The following PCDHGA6 variants were observed in gnomAD, a reference collection of about 807,000 sequenced individuals.
PCDHGA6 encodes the protein protocadherin gamma-A6.
A neutral mutation model predicts 60.6 loss-of-function variants in PCDHGA6; 41 were observed. The observed-to-expected ratio is 0.68, with a 90% CI of 0.53 to 0.88. The LOEUF is 0.88. Among genes scored for constraint, PCDHGA6 ranks in the 40% least tolerant of loss-of-function variants. PCDHGA6 has a pLI of 0.00. For synonymous variants in PCDHGA6, 594 were observed against 524.4 expected (o/e 1.13, Z -1.81); for missense variants, 1,312 against 1,203.0 (o/e 1.09, Z -1.34).
Position 141,489,606 on chromosome 5 carries a change from G to A in PCDHGA6, c.2425-5201G>A. The stretch of plus-strand genomic sequence containing the variant: ...TGGAGCTAATCCGTGTAGAGGTAGA[G>A]ATCCTGGATCTCAATGACAACTCTC... On this transcript the variant is annotated intron_variant, in intron 1 of 3. Coordinates refer to ENST00000517434, the MANE Select transcript of PCDHGA6 (RefSeq NM_018919.3). This position sits in a 1 kb window ranked among gnomAD's most constrained non-coding sequence, Gnocchi z 4.5. The A allele has an allele frequency of 6.2e-7, 1 of 1,614,110 alleles. No homozygotes were observed.
chr5:141,374,893 TGAA>T lies in PCDHGA6; in HGVS notation c.812_814del (p.Glu271del). On this transcript the variant is annotated inframe_deletion, in exon 1 of 4. Coordinates refer to ENST00000517434, the MANE Select transcript of PCDHGA6 (RefSeq NM_018919.3). Reference sequence around the variant, plus strand: ...TGGCAGTGACTGCCACCGACCAGGATGAAGGAGTCCACGGGGAAGTAACTTATT... The same window carrying T: ...TGGCAGTGACTGCCACCGACCAGGATGGAGTCCACGGGGAAGTAACTTATT... The T allele has an allele frequency of 6.2e-7, 1 of 1,613,834 alleles. No homozygotes were observed. Among genetic ancestry groups the T allele is most frequent in the Non-Finnish European group, 8.5e-7 (1 of 1,179,904 alleles).
At chr5:141,410,849 CTTTTTTTTTTTT>C (rs759346998) in intron 1 of PCDHGA6, 1 of 129,786 alleles carries the variant, frequency 7.7e-6, no homozygotes, top group East Asian at 2.3e-4. Flanking sequence ...TTGTCTTTGT[CTTTTTTTTTTTT>C]TTTTTTTTTT....
intron 1 of PCDHGA6, chr5:141,395,547 TGTGTG>T (rs2093267739): frequency 0.011 from 1,902 of 174,314 alleles, 94 homozygotes; most frequent in African/African-American, 0.026. Flanking sequence ...ATTGTTTGTG[TGTGTG>T]TGTGTGTGTG....
intron 1 of PCDHGA6, chr5:141,409,449 C>A (rs1317609642): frequency 6.2e-7 from 1 of 1,613,934 alleles, no homozygotes; most frequent in South Asian, 1.1e-5. Flanking sequence ...GAGCAGACAC[C>A]AGAATACAAT....
At position 141,430,831 on chromosome 5, in the gene PCDHGA6, G is replaced by A; in HGVS notation, c.2424+54324G>A. ...TGGGAATCCTCCTGGGGACTCTGTGGGAGACCGGATGCACCCAGATACGCT... is the reference window on the plus strand; with the variant it reads ...TGGGAATCCTCCTGGGGACTCTGTGAGAGACCGGATGCACCCAGATACGCT... On this transcript the variant is annotated intron_variant, in intron 1 of 3. Coordinates refer to ENST00000517434, the MANE Select transcript of PCDHGA6 (RefSeq NM_018919.3). 3 of 1,555,334 alleles carry A rather than the reference G, an allele frequency of 1.9e-6. No individual in the cohort carries two copies. In the South Asian group the frequency reaches 3.8e-5, roughly 19 times the overall value.
chr5:141,481,167 A>C (rs77180710), intron 1 of PCDHGA6, among the ~76,000 whole-genome samples: 2,577 of 152,328 alleles, frequency 0.017, 78 homozygotes, highest in African/African-American at 0.059. Flanking sequence ...GCAGAACCAG[A>C]ATCCAGCTTT....
intron 1 of PCDHGA6, among the ~76,000 whole-genome samples, chr5:141,456,538 A>T (rs1010588747): frequency 7.2e-5 from 11 of 152,184 alleles, no homozygotes; most frequent in Admixed American, 3.3e-4. Context: ...TTAAAGAGGG[A>T]TTGTAGCCAC....
chr5:141,412,973 C>G, intron 1 of PCDHGA6: 1 of 528,318 alleles, frequency 1.9e-6, no homozygotes, highest in Non-Finnish European at 3.3e-6. Flanking sequence ...GGAGAGAAAA[C>G]GCAGCCAGAG....
At chr5:141,388,798 TA>T in intron 1 of PCDHGA6, 3 of 1,613,888 alleles carry the variant, frequency 1.9e-6, no homozygotes, top group Non-Finnish European at 2.5e-6. Flanking sequence ...TTAAATACAT[TA>T]GATTTTGAAG....
chr5:141,459,756 G>A (rs1455980132), intron 1 of PCDHGA6, among the ~76,000 whole-genome samples: 1 of 152,118 alleles, frequency 6.6e-6, no homozygotes, highest in Non-Finnish European at 1.5e-5. Flanking sequence ...AATTCTAGTG[G>A]GTGTGTGATA....
At chr5:141,478,161 C>T (rs201111122) in intron 1 of PCDHGA6, 20 of 1,613,852 alleles carry the variant, frequency 1.2e-5, no homozygotes, top group Admixed American at 3.3e-5. Context: ...TCTGGCTCTG[C>T]CCCCCGGGAG....
In PCDHGA6 at chr5:141,475,486, T is replaced by C. The variant is rs576743657; in HGVS notation, c.2425-19321T>C. Among the ~76,000 whole-genome samples, 14 of 152,370 alleles carry C rather than the reference T, an allele frequency of 9.2e-5. No homozygotes were observed. In the East Asian group the frequency reaches 2.7e-3, roughly 29 times the overall value. On this transcript the variant is annotated intron_variant, in intron 1 of 3. Transcript: ENST00000517434. ...AATGCTAATTTCATTTGGTAAGAGA[T>C]AAAACTGAAATTATTAATGTCTCCA...
At chr5:141,383,989 A>G in intron 1 of PCDHGA6, 1 of 1,613,876 alleles carries the variant, frequency 6.2e-7, no homozygotes, top group Non-Finnish European at 8.5e-7. Context: ...ACCTCTTGGG[A>G]CAGTCATTGC....
intron 1 of PCDHGA6, among the ~76,000 whole-genome samples, chr5:141,459,660 T>C (rs73280323): frequency 7.9e-4 from 120 of 152,386 alleles, no homozygotes; most frequent in African/African-American, 2.7e-3. Flanking sequence ...AATATCACTT[T>C]ACATTTTCAT....
chr5:141,398,782 C>T (rs763578317), intron 1 of PCDHGA6: 1 of 1,613,908 alleles, frequency 6.2e-7, no homozygotes, highest in Non-Finnish European at 8.5e-7. Context: ...GGACGGTGGA[C>T]ATCCACCCCT....
intron 1 of PCDHGA6, among the ~76,000 whole-genome samples, chr5:141,465,396 C>A (rs2099102528): frequency 6.6e-6 from 1 of 152,054 alleles, no homozygotes; most frequent in Admixed American, 6.6e-5. Context: ...AAAAACAAGT[C>A]AGAAGAAGCC....
intron 1 of PCDHGA6, chr5:141,383,068 C>T (rs376511249): frequency 6.2e-7 from 1 of 1,613,846 alleles, no homozygotes; most frequent in African/African-American, 1.3e-5. Flanking sequence ...GCTGGAGCCC[C>T]GGGAGCTGGC....
intron 1 of PCDHGA6, chr5:141,390,095 T>TC: frequency 6.2e-7 from 1 of 1,613,972 alleles, no homozygotes; most frequent in South Asian, 1.1e-5. Flanking sequence ...AATCCGTGGT[T>TC]CCCCCCAACT....
chr5:141,391,134 C>T (rs2092305385), intron 1 of PCDHGA6: 1 of 152,118 alleles, frequency 6.6e-6, no homozygotes, highest in African/African-American at 2.4e-5. Context: ...TAATCATTCT[C>T]CTACCTCTAG....
Sources: gnomAD v4.1 joint callset for allele counts (sites outside exome capture counted in the v4.1 genomes callset) on GRCh38, gnomAD v4.1.1 for gene constraint, Gnocchi (gnomAD v3.1) non-coding constraint, MANE v1.5 for transcripts, NCBI Gene and HGNC (gene_info 2026-07-23, HGNC 2026-07-21) for gene names.